SCHIP1: variants seen among roughly 807,000 people sequenced by gnomAD.
SCHIP1 encodes schwannomin-interacting protein 1.
SCHIP1 carries 8 observed loss-of-function variants against 29.7 expected under a neutral mutation model. The observed-to-expected ratio is 0.27, with a 90% CI of 0.16 to 0.49. The LOEUF is 0.49. SCHIP1 is among the 20% of genes least tolerant of loss of function. The probability of loss-of-function intolerance (pLI) is 0.99; values close to 1 mark genes in which losing one functional copy is unlikely to be tolerated. For synonymous variants in SCHIP1, 76 were observed against 94.9 expected, an observed-to-expected ratio of 0.80 and a Z score of 1.16; for missense variants, 193 against 294.6, an observed-to-expected ratio of 0.66 and a Z score of 2.52.
the SCHIP1 span, among the ~76,000 whole-genome samples, chr3:159,647,863 T>C: frequency 3.4e-3 from 523 of 152,310 alleles, 6 homozygotes; most frequent in African/African-American, 0.012. Context: ...AGAAACATTA[T>C]GTTTCTTTAA....
the SCHIP1 span, among the ~76,000 whole-genome samples, chr3:159,821,972 C>T: frequency 1.3e-5 from 2 of 152,342 alleles, no homozygotes; most frequent in Non-Finnish European, 2.9e-5. Flanking sequence ...ATGATTCGGT[C>T]CTGCATGGGA....
the SCHIP1 span, among the ~76,000 whole-genome samples, chr3:159,796,090 T>C: frequency 1.3e-5 from 2 of 152,144 alleles, no homozygotes; most frequent in African/African-American, 4.8e-5. Context: ...ATAGCAGGCC[T>C]TATGTATGCT....
the SCHIP1 span, among the ~76,000 whole-genome samples, chr3:159,569,585 T>G: frequency 6.6e-6 from 1 of 152,194 alleles, no homozygotes; most frequent in Non-Finnish European, 1.5e-5. Flanking sequence ...ACATTTGGGT[T>G]CGTTCCAAGT....
the SCHIP1 span, among the ~76,000 whole-genome samples, chr3:159,418,892 TG>T: frequency 6.6e-6 from 1 of 152,248 alleles, no homozygotes; most frequent in Admixed American, 6.5e-5. Context: ...ACGAAGGCTT[TG>T]GGGTTCCCCA....
the SCHIP1 span, chr3:159,275,149 T>G: frequency 1.2e-6 from 1 of 829,078 alleles, no homozygotes; most frequent in African/African-American, 1.8e-5. Context: ...GCTCAATAGA[T>G]CCACTGATAA....
At chr3:159,696,990 T>A in the SCHIP1 span, among the ~76,000 whole-genome samples, 3 of 152,096 alleles carry the variant, frequency 2.0e-5, no homozygotes, top group Non-Finnish European at 4.4e-5. Flanking sequence ...GGAAGCCAGA[T>A]TTGTTTATCC....
the SCHIP1 span, among the ~76,000 whole-genome samples, chr3:159,311,305 C>T: frequency 1.3e-5 from 2 of 152,022 alleles, no homozygotes; most frequent in East Asian, 1.9e-4. Context: ...AGAATTACCC[C>T]CAGTTTGCCA....
At chr3:159,335,472 C>A in the SCHIP1 span, among the ~76,000 whole-genome samples, 3 of 152,070 alleles carry the variant, frequency 2.0e-5, no homozygotes, top group Non-Finnish European at 4.4e-5. Flanking sequence ...AGGTATACCT[C>A]CTAATGCTAT....
chr3:159,755,995 C>T, the SCHIP1 span, among the ~76,000 whole-genome samples: 106 of 152,368 alleles, frequency 7.0e-4, no homozygotes, highest in African/African-American at 2.5e-3. Flanking sequence ...TCCCTCCCGG[C>T]TGCTTTCACG....
At chr3:159,377,489 C>T in the SCHIP1 span, among the ~76,000 whole-genome samples, 785 of 152,238 alleles carry the variant, frequency 5.2e-3, 3 homozygotes, top group Non-Finnish European at 7.9e-3. Context: ...GAAGAAGAGG[C>T]CATGGAGAAT....
At chr3:159,754,590 A>C in the SCHIP1 span, among the ~76,000 whole-genome samples, 3 of 152,188 alleles carry the variant, frequency 2.0e-5, no homozygotes, top group South Asian at 6.2e-4. Context: ...CTTGCTCCTA[A>C]AAGTTTGTGT....
At chr3:159,885,668 T>A (rs1560096608) in intron 2 of SCHIP1, among the ~76,000 whole-genome samples, 1 of 152,254 alleles carries the variant, frequency 6.6e-6, no homozygotes, top group African/African-American at 2.4e-5. Context: ...CCTTCCTTAA[T>A]GATATAAATG....
intron 1 of SCHIP1, among the ~76,000 whole-genome samples, chr3:159,850,034 C>T (rs1215377044): frequency 6.6e-6 from 1 of 152,170 alleles, no homozygotes; most frequent in Non-Finnish European, 1.5e-5. Context: ...AAAGAAGCAA[C>T]AGTGGTGCTA....
the SCHIP1 span, among the ~76,000 whole-genome samples, chr3:159,620,100 T>C: frequency 6.6e-6 from 1 of 152,204 alleles, no homozygotes; most frequent in South Asian, 2.1e-4. Flanking sequence ...CAGAATCAGC[T>C]GGAGATAGAC....
chr3:159,547,083 G>C, the SCHIP1 span, among the ~76,000 whole-genome samples: 1 of 152,150 alleles, frequency 6.6e-6, no homozygotes, highest in Non-Finnish European at 1.5e-5. Flanking sequence ...ACCAGCATCT[G>C]TTGTTTCCTG....
chr3:159,523,796 C>T, the SCHIP1 span, among the ~76,000 whole-genome samples: 13 of 152,326 alleles, frequency 8.5e-5, no homozygotes, highest in South Asian at 1.0e-3. Context: ...TAGTTGCTTG[C>T]GCACTTAGGA....
At chr3:159,436,153 T>G in the SCHIP1 span, among the ~76,000 whole-genome samples, 4 of 152,168 alleles carry the variant, frequency 2.6e-5, no homozygotes, top group African/African-American at 7.2e-5. Flanking sequence ...TCAGCATTGG[T>G]ATCCAAATAA....
chr3:159,675,778 C>G, the SCHIP1 span, among the ~76,000 whole-genome samples: 1 of 152,172 alleles, frequency 6.6e-6, no homozygotes, highest in Admixed American at 6.5e-5. Context: ...TGCTGTCTCC[C>G]CATCTTTGTC....
the SCHIP1 span, among the ~76,000 whole-genome samples, chr3:159,665,033 T>G: frequency 6.6e-6 from 1 of 152,138 alleles, no homozygotes; most frequent in Non-Finnish European, 1.5e-5. Flanking sequence ...CTGAAAGATT[T>G]CTCCTGCACA....
Sources: gnomAD v4.1 joint callset for allele counts (sites outside exome capture counted in the v4.1 genomes callset) on GRCh38, gnomAD v4.1.1 for gene constraint, MANE v1.5 for transcripts, NCBI Gene and HGNC (gene_info 2026-07-23, HGNC 2026-07-21) for gene names.